HDAC9: variants seen among roughly 807,000 people sequenced by gnomAD.
The protein encoded by HDAC9 is histone deacetylase 9.
A neutral mutation model predicts 139.4 loss-of-function variants in HDAC9; 41 were observed. That is an observed-to-expected ratio of 0.29 (90% CI 0.23 to 0.38). The LOEUF (loss-of-function observed/expected upper bound fraction) is 0.38. HDAC9 is among the 10% of genes least tolerant of loss of function. The pLI, the probability that HDAC9 is intolerant of heterozygous loss-of-function variation, is 1.00. For missense variants in HDAC9, 1,147 were observed against 1,297.0 expected (o/e 0.88, Z 1.78); for synonymous variants, 517 against 476.2 (o/e 1.09, Z -1.12).
intron 6 of HDAC9, among the ~76,000 whole-genome samples, chr7:18,603,770 C>A (rs1161932063): frequency 1.3e-5 from 2 of 151,988 alleles, no homozygotes; most frequent in Admixed American, 1.3e-4. Context: ...AGTTTCTGAC[C>A]TATATCCTTT....
chr7:18,126,335 T>A (rs1219326881), intron 1 of HDAC9, among the ~76,000 whole-genome samples: 1 of 152,134 alleles, frequency 6.6e-6, no homozygotes, highest in Non-Finnish European at 1.5e-5. Context: ...AATGATAGCG[T>A]TGGGTCAGTT....
chr7:18,170,781 A>G (rs1788369574), intron 2 of HDAC9, among the ~76,000 whole-genome samples: 1 of 152,060 alleles, frequency 6.6e-6, no homozygotes, highest in South Asian at 2.1e-4. Context: ...TTTCTGAAGC[A>G]TCTGTTCTGT....
intron 1 of HDAC9, among the ~76,000 whole-genome samples, chr7:18,446,915 A>G (rs1278156050): frequency 6.6e-6 from 1 of 152,204 alleles, no homozygotes; most frequent in South Asian, 2.1e-4. Flanking sequence ...TAGTTTCTCT[A>G]AAATTTTTCA....
chr7:18,775,298 G>T (rs182485936), intron 16 of HDAC9, among the ~76,000 whole-genome samples: 4 of 152,014 alleles, frequency 2.6e-5, no homozygotes, highest in Non-Finnish European at 4.4e-5. Context: ...ACATGCTGCT[G>T]GAAAAATGAC....
intron 1 of HDAC9, among the ~76,000 whole-genome samples, chr7:18,121,247 CA>C (rs753827737): frequency 6.6e-6 from 1 of 152,134 alleles, no homozygotes; most frequent in Non-Finnish European, 1.5e-5. Context: ...AAATTTTTGT[CA>C]AAACTGCCTT....
At position 18,884,836 on chromosome 7, in the gene HDAC9, TC is replaced by T. The variant is rs1800008389; in HGVS notation, c.2803+10243del. Among the ~76,000 whole-genome samples, 3 of 152,124 alleles carry T rather than the reference TC, an allele frequency of 2.0e-5. No homozygotes were observed. The South Asian group carries it at 6.2e-4, about 32-fold the overall frequency. On this transcript the variant is annotated intron_variant, in intron 22 of 25. Coordinates refer to ENST00000686413, the MANE Select transcript of HDAC9 (RefSeq NM_178425.4). ...CCTATTCCTCAAACTTCAGTCCACATCCCTGTTTCTCAATACACATGCACAC... is the reference window on the plus strand; with the variant it reads ...CCTATTCCTCAAACTTCAGTCCACATCCTGTTTCTCAATACACATGCACAC...
Position 18,300,429 on chromosome 7 carries a change from C to T in HDAC9, c.-42+9914C>T, listed in dbSNP as rs372775079. 2.0e-4 allele frequency among the ~76,000 whole-genome samples: 30 copies of T among 151,804 alleles called. 1 individual carries two copies. In the South Asian group the frequency reaches 4.8e-3, roughly 24 times the overall value. Reference sequence around the variant, plus strand: ...GTTTTCTTTGACTTATCAATACCTTCATGAAGAAACAATGAAGTGAAGGAC... The same window carrying T: ...GTTTTCTTTGACTTATCAATACCTTTATGAAGAAACAATGAAGTGAAGGAC... On this transcript the variant is annotated intron_variant, in intron 1 of 3. Transcript: ENST00000413509.
At chr7:18,367,570 A>T (rs1269687443) in intron 1 of HDAC9, among the ~76,000 whole-genome samples, 1 of 151,996 alleles carries the variant, frequency 6.6e-6, no homozygotes, top group Non-Finnish European at 1.5e-5. Flanking sequence ...AATAAATGAC[A>T]TTTGCTTATC....
At chr7:18,548,230 G>A (rs1228769901) in intron 2 of HDAC9, among the ~76,000 whole-genome samples, 1 of 151,966 alleles carries the variant, frequency 6.6e-6, no homozygotes, top group Non-Finnish European at 1.5e-5. Flanking sequence ...GATTAAGTTC[G>A]CCGTCTTATA....
In HDAC9 at chr7:18,722,362, C is replaced by G. The variant is rs536705269; in HGVS notation, c.1732-5218C>G. ...GGGTAACACATTTTCTAATGGTGCT[C>G]AATAAGTAAAATGTTAACTTGGGTA... On this transcript the variant is annotated intron_variant, in intron 12 of 25. Coordinates refer to ENST00000686413, the MANE Select transcript of HDAC9 (RefSeq NM_178425.4). Among the ~76,000 whole-genome samples the G allele has an allele frequency of 2.6e-5, 4 of 152,192 alleles. No homozygotes were observed. The East Asian group carries it at 7.7e-4, about 29-fold the overall frequency.
intron 1 of HDAC9, among the ~76,000 whole-genome samples, chr7:18,368,174 C>CT (rs1192225712): frequency 6.6e-5 from 10 of 151,142 alleles, no homozygotes; most frequent in East Asian, 3.9e-4. Flanking sequence ...TGGATTCAAA[C>CT]TTTTTTTTTA....
At chr7:18,793,528 C>G in intron 17 of HDAC9, 76 bp downstream of exon 17, 6 of 963,874 alleles carry the variant, frequency 6.2e-6, no homozygotes, top group Non-Finnish European at 9.8e-6. Flanking sequence ...GTGGGAATTG[C>G]GGGGAGTGTG....
At chr7:18,637,242 A>G (rs535455034) in intron 8 of HDAC9, among the ~76,000 whole-genome samples, 1 of 152,230 alleles carries the variant, frequency 6.6e-6, no homozygotes, top group South Asian at 2.1e-4. Context: ...GGAAAACATG[A>G]TTTGATAGTT....
intron 1 of HDAC9, among the ~76,000 whole-genome samples, chr7:18,139,000 A>G (rs1259637421): frequency 6.6e-6 from 1 of 152,158 alleles, no homozygotes; most frequent in African/African-American, 2.4e-5. Context: ...CTTGGTAGTC[A>G]GGTAATCAGA....
chr7:18,520,190 T>G (rs1007617481), intron 2 of HDAC9, among the ~76,000 whole-genome samples: 3 of 152,112 alleles, frequency 2.0e-5, no homozygotes, highest in African/African-American at 7.2e-5. Flanking sequence ...TAAGATTAAT[T>G]TACGTATCTG....
chr7:18,162,650 A>G, intron 2 of HDAC9: 1 of 324,630 alleles, frequency 3.1e-6, no homozygotes, highest in East Asian at 7.1e-5. Context: ...ACTATTATAT[A>G]GGAATCCATT....
At chr7:18,539,635 T>G (rs1399972230) in intron 2 of HDAC9, among the ~76,000 whole-genome samples, 1 of 152,202 alleles carries the variant, frequency 6.6e-6, no homozygotes, top group African/African-American at 2.4e-5. Context: ...TGAAAACTTT[T>G]CTGAAAATCT....
chr7:18,781,927 A>C (rs1219758848), intron 16 of HDAC9, among the ~76,000 whole-genome samples: 1 of 152,134 alleles, frequency 6.6e-6, no homozygotes, highest in African/African-American at 2.4e-5. Context: ...TACCTGACAC[A>C]GTGCAAAAGT....
chr7:18,776,176 C>T (rs1475354405), intron 16 of HDAC9, among the ~76,000 whole-genome samples: 1 of 152,050 alleles, frequency 6.6e-6, no homozygotes, highest in African/African-American at 2.4e-5. Flanking sequence ...CTCCCTGCCT[C>T]AAGCAATCCT....
Sources: allele counts gnomAD v4.1 joint callset (sites outside exome capture counted in the v4.1 genomes callset), GRCh38; gene constraint gnomAD v4.1.1; transcripts MANE v1.5; gene names NCBI Gene and HGNC (gene_info 2026-07-23, HGNC 2026-07-21).